Variants in MS4A10 observed in about 807,000 individuals in gnomAD.
MS4A10 encodes membrane spanning 4-domains A10, also known as membrane-spanning 4-domains subfamily A member 10.
In MS4A10, 27 loss-of-function variants were observed where a neutral mutation model predicts 27.7. The observed-to-expected ratio is 0.98, with a 90% confidence interval of 0.72 to 1.35. MS4A10 has a LOEUF of 1.35. MS4A10 is among the 40% of genes most tolerant of loss of function. The probability of loss-of-function intolerance (pLI) is 0.00; values close to 1 mark genes in which losing one functional copy is unlikely to be tolerated. For synonymous variants in MS4A10, 139 were observed against 131.2 expected (o/e 1.06, Z -0.41); for missense variants, 338 against 324.7 (o/e 1.04, Z -0.32).
At position 60,794,082 on chromosome 11, in the gene MS4A10, G is replaced by A; in HGVS notation, c.471G>A (p.Trp157Ter). The A allele has an allele frequency of 6.2e-7, 1 of 1,614,154 alleles. No individual in the cohort carries two copies. The highest frequency in any genetic ancestry group is 8.5e-7 in the Non-Finnish European group (1 of 1,180,034). Residue 157 changes from tryptophan to a stop codon, truncating the protein, a stop_gained, in exon 5 of 8, where the codon TGG (tryptophan) becomes TGA (stop). Coordinates refer to ENST00000308287, the MANE Select transcript of MS4A10 (RefSeq NM_206893.4). LOFTEE classifies it high-confidence loss of function. ...AGAGCCCATTTGAGTCCCCGATCTG[G>A]AGAATGTACCCCAACTCCACGGTGA... Reference protein sequence around the residue: ...FLESPFESPIWRMYPNSTVHI... With the variant: ...FLESPFESPI
intron 1 of MS4A10, among the ~76,000 whole-genome samples, chr11:60,787,876 G>C (rs1419243815): frequency 6.6e-6 from 1 of 152,062 alleles, no homozygotes; most frequent in Non-Finnish European, 1.5e-5. Context: ...AATTAGCAGG[G>C]CGTGGTGGCA....
chr11:60,790,403 G>A lies in MS4A10; in HGVS notation c.68G>A (p.Ser23Asn). The change falls in exon 2 of 8, where the codon AGC becomes AAC. Residue 23 changes from serine to asparagine, a missense_variant. Transcript: ENST00000308287. ...ARGLPSWQVL[S>N]PVQPWQTSAP... is the part of the protein sequence containing the mutation. ...GGGCTCCCATCATGGCAAGTCCTCA[G>A]CCCAGTCCAGCCCTGGCAGACAAGT... The A allele has an allele frequency of 6.2e-7, 1 of 1,614,144 alleles. No homozygotes were observed. The highest frequency in any genetic ancestry group is 8.5e-7 in the Non-Finnish European group (1 of 1,180,030).
intron 6 of MS4A10, among the ~76,000 whole-genome samples, chr11:60,797,633 G>A (rs1310427398): frequency 6.6e-6 from 1 of 152,096 alleles, no homozygotes; most frequent in African/African-American, 2.4e-5. Context: ...AGATAATCCA[G>A]GAGAATCTCC....
At chr11:60,790,227 T>C in intron 1 of MS4A10, 87 bp from the exon 2 acceptor site, 1 of 1,171,978 alleles carries the variant, frequency 8.5e-7, no homozygotes, top group African/African-American at 1.5e-5. Flanking sequence ...ATCTGGTCCC[T>C]TAAACAGAGG....
intron 6 of MS4A10, among the ~76,000 whole-genome samples, chr11:60,797,453 G>A (rs1337373913): frequency 2.0e-5 from 3 of 152,102 alleles, no homozygotes; most frequent in African/African-American, 7.2e-5. Context: ...CCCTTCCGGG[G>A]GCATCAAAAA....
chr11:60,793,944 AG>A (rs1412236389), intron 4 of MS4A10, 27 bp from the exon 5 acceptor site: 2 of 1,612,390 alleles, frequency 1.2e-6, no homozygotes, highest in Non-Finnish European at 1.7e-6. Context: ...CCCTTTGGAC[AG>A]CTGTTACCTT....
chr11:60,792,298 A>G lies in MS4A10; in HGVS notation c.337A>G (p.Lys113Glu), dbSNP rs1244540209. The G allele has an allele frequency of 6.2e-7, 1 of 1,613,238 alleles. No individual in the cohort carries two copies. Among genetic ancestry groups the G allele is most frequent in the Non-Finnish European group, 8.5e-7 (1 of 1,179,338 alleles). The change falls in exon 4 of 8, where the codon AAG (lysine) becomes GAG (glutamate). Residue 113 changes from lysine (K) to glutamate (E), a missense_variant. Transcript: ENST00000308287. The stretch of plus-strand genomic sequence containing the variant: ...TTCAGGGATCTTGGCGATAACAATG[A>G]AGACCTTTTCTAAAACTTACCTGGT... Reference protein sequence around the residue: ...LISGILAITMKTFSKTYLKML... With the variant: ...LISGILAITMETFSKTYLKML...
At chr11:60,791,486 G>A (rs1292957983) in intron 3 of MS4A10, among the ~76,000 whole-genome samples, 1 of 152,210 alleles carries the variant, frequency 6.6e-6, no homozygotes, top group Non-Finnish European at 1.5e-5. Flanking sequence ...AACACACAGG[G>A]TGTAAGGTGT....
chr11:60,793,011 G>T (rs555124615), intron 4 of MS4A10, among the ~76,000 whole-genome samples: 2 of 152,334 alleles, frequency 1.3e-5, no homozygotes, highest in South Asian at 4.1e-4. Context: ...TAGACACCTA[G>T]CACAAGACTG....
At chr11:60,788,343 G>A (rs1854373523) in intron 1 of MS4A10, among the ~76,000 whole-genome samples, 1 of 152,196 alleles carries the variant, frequency 6.6e-6, no homozygotes, top group Non-Finnish European at 1.5e-5. Flanking sequence ...TGTCTAGGTG[G>A]AGGTACAGCT....
At chr11:60,789,678 G>A (rs1161483058) in intron 1 of MS4A10, among the ~76,000 whole-genome samples, 2 of 152,240 alleles carry the variant, frequency 1.3e-5, no homozygotes, top group Non-Finnish European at 2.9e-5. Context: ...AAATGAGAGT[G>A]AGGACGGTAT....
chr11:60,788,226 C>T lies in MS4A10; in HGVS notation c.-22-2088C>T, dbSNP rs149070994. On this transcript the variant is annotated intron_variant, in intron 1 of 7. Coordinates refer to ENST00000308287, the MANE Select transcript of MS4A10 (RefSeq NM_206893.4). The stretch of plus-strand genomic sequence containing the variant: ...CCCTTTTACTGCAGATACATCAGGA[C>T]CAATGTTCCATGGAACATACTTTGA... Among the ~76,000 whole-genome samples the T allele has an allele frequency of 2.4e-3, 359 of 152,220 alleles. 2 individuals are homozygous for T. The highest frequency in any genetic ancestry group is 8.1e-3 in the African/African-American group (336 of 41,546).
At chr11:60,792,067 G>T (rs1042454894) in intron 3 of MS4A10, among the ~76,000 whole-genome samples, 198 bp from the exon 4 acceptor site, 2 of 152,120 alleles carry the variant, frequency 1.3e-5, no homozygotes, top group Non-Finnish European at 1.5e-5. Flanking sequence ...TTGTGCACAT[G>T]GGAAGATGTG....
At chr11:60,796,442 C>T (rs532280568) in intron 6 of MS4A10, among the ~76,000 whole-genome samples, 2 of 152,212 alleles carry the variant, frequency 1.3e-5, no homozygotes, top group South Asian at 4.1e-4. Context: ...GCCACCATAC[C>T]TGGCTAATTT....
intron 2 of MS4A10, 63 bp from the exon 3 acceptor site, chr11:60,790,911 G>A: frequency 6.2e-7 from 1 of 1,600,246 alleles, no homozygotes; most frequent in Non-Finnish European, 8.5e-7. Flanking sequence ...CAGGGCACTA[G>A]TGGCCTCAAT....
intron 2 of MS4A10, 47 bp from the exon 3 acceptor site, chr11:60,790,927 C>T (rs1162627138): frequency 6.2e-7 from 1 of 1,608,294 alleles, no homozygotes; most frequent in Admixed American, 1.7e-5. Context: ...TCAATTAGAG[C>T]CAGTGACCGA....
chr11:60,799,314 A>G (rs1854590407), intron 7 of MS4A10, among the ~76,000 whole-genome samples: 1 of 151,990 alleles, frequency 6.6e-6, no homozygotes, highest in Admixed American at 6.5e-5. Context: ...TGCCTTCCTC[A>G]TTTTCCTAAT....
At chr11:60,794,641 C>T (rs1169305683) in intron 5 of MS4A10, among the ~76,000 whole-genome samples, 2 of 152,172 alleles carry the variant, frequency 1.3e-5, no homozygotes, top group Non-Finnish European at 2.9e-5. Context: ...CACTGGGTGC[C>T]TCTGGGCCAG....
Position 60,798,904 on chromosome 11 carries a change from GGGGATATAA to G in MS4A10, c.722+394_722+402del, listed in dbSNP as rs572233839. The stretch of plus-strand genomic sequence containing the variant: ...TCTCTGATCAATGGTGGATGCACAG[GGGGATATAA>G]GGGCAGCCAGGAAGGAAGGTCTCCA... On this transcript the variant is annotated intron_variant, in intron 7 of 7. Coordinates refer to ENST00000308287, the MANE Select transcript of MS4A10 (RefSeq NM_206893.4). Among the ~76,000 whole-genome samples, 26 of 152,306 alleles carry G rather than the reference GGGGATATAA, an allele frequency of 1.7e-4. No homozygotes were observed. In the East Asian group the frequency reaches 5.0e-3, roughly 29 times the overall value.
Sources: gnomAD v4.1 joint callset for allele counts (sites outside exome capture counted in the v4.1 genomes callset) on GRCh38, gnomAD v4.1.1 for gene constraint, MANE v1.5 for transcripts, NCBI Gene and HGNC (gene_info 2026-07-23, HGNC 2026-07-21) for gene names.